The following SMAD1 variants were observed in gnomAD, a reference collection of about 807,000 sequenced individuals.
The protein encoded by SMAD1 is SMAD family member 1.
A neutral mutation model predicts 41.6 loss-of-function variants in SMAD1; 6 were observed. That is an observed-to-expected ratio of 0.14 (90% CI 0.08 to 0.28). The LOEUF is 0.28. Ranked by LOEUF, SMAD1 falls within the 10% of genes least tolerant of loss-of-function variation. The pLI is 1.00. For synonymous variants in SMAD1, 206 were observed against 203.2 expected (o/e 1.01, Z -0.12); for missense variants, 379 against 582.6 (o/e 0.65, Z 3.60).
intron 1 of SMAD1, among the ~76,000 whole-genome samples, chr4:145,500,574 A>C (rs1029323465): frequency 2.0e-5 from 3 of 152,118 alleles, no homozygotes; most frequent in Non-Finnish European, 4.4e-5. Context: ...CCTGACCACC[A>C]GAATGTAGGC....
At chr4:145,519,329 C>T (rs968725470) in intron 2 of SMAD1, among the ~76,000 whole-genome samples, 1 of 152,064 alleles carries the variant, frequency 6.6e-6, no homozygotes, top group Non-Finnish European at 1.5e-5. Flanking sequence ...GTCCTGACCT[C>T]AGTTGATCCA....
At chr4:145,557,193 G>A (rs1732889153) in intron 6 of SMAD1, among the ~76,000 whole-genome samples, 1 of 152,144 alleles carries the variant, frequency 6.6e-6, no homozygotes, top group South Asian at 2.1e-4. Context: ...TTGTCTTAAT[G>A]CACTAATTCT....
intron 2 of SMAD1, among the ~76,000 whole-genome samples, chr4:145,528,060 TACACACACACACAC>T (rs35710925): frequency 9.1e-5 from 13 of 142,158 alleles, no homozygotes; most frequent in African/African-American, 2.6e-4. Context: ...TTTTTGTTTG[TACACACACACACAC>T]ACACACACAC....
chr4:145,519,901 C>T (rs778352440), intron 2 of SMAD1, among the ~76,000 whole-genome samples: 1 of 152,068 alleles, frequency 6.6e-6, no homozygotes, highest in Non-Finnish European at 1.5e-5. Context: ...GTGCAGTATT[C>T]GTCTTTCTGT....
intron 2 of SMAD1, among the ~76,000 whole-genome samples, chr4:145,537,543 A>AC (rs547408271): frequency 1.6e-3 from 243 of 152,314 alleles, no homozygotes; most frequent in African/African-American, 5.4e-3. Context: ...ACTGCCTCAA[A>AC]CTGGAAATAA....
intron 2 of SMAD1, among the ~76,000 whole-genome samples, chr4:145,515,670 T>A (rs1187024986): frequency 6.6e-6 from 1 of 152,222 alleles, no homozygotes; most frequent in African/African-American, 2.4e-5. Context: ...GGATATATTT[T>A]AAAATTTATA....
chr4:145,494,335 C>T (rs1020911783), intron 1 of SMAD1, among the ~76,000 whole-genome samples: 9 of 152,188 alleles, frequency 5.9e-5, no homozygotes, highest in Admixed American at 1.3e-4. Flanking sequence ...ATCTCTTAGA[C>T]AGCTTGATAA....
chr4:145,509,973 T>TG (rs1263724000), intron 1 of SMAD1, among the ~76,000 whole-genome samples: 1 of 152,172 alleles, frequency 6.6e-6, no homozygotes, highest in Non-Finnish European at 1.5e-5. Context: ...CCAGGTACTA[T>TG]GCCAAGTTCC....
intron 2 of SMAD1, among the ~76,000 whole-genome samples, chr4:145,517,414 A>G (rs1227276256): frequency 2.0e-5 from 3 of 152,100 alleles, no homozygotes; most frequent in East Asian, 3.9e-4. Context: ...TACTTCACAC[A>G]TATCTCCCTA....
intron 1 of SMAD1, among the ~76,000 whole-genome samples, chr4:145,490,718 T>C (rs1216684873): frequency 6.6e-6 from 1 of 152,156 alleles, no homozygotes; most frequent in East Asian, 1.9e-4. Context: ...TAGTGAAATA[T>C]CAAGTTTGGG....
At chr4:145,488,793 A>G (rs1728625540) in intron 1 of SMAD1, among the ~76,000 whole-genome samples, 1 of 152,190 alleles carries the variant, frequency 6.6e-6, no homozygotes, top group South Asian at 2.1e-4. Context: ...TTCCCTGAAT[A>G]TTTATTAGTT....
rs868388738 is a variant in SMAD1, at chr4:145,553,093, T to G, written c.998-691T>G. Among the ~76,000 whole-genome samples, 508 of 151,206 alleles carry G rather than the reference T, an allele frequency of 3.4e-3. 6 individuals carry two copies. Among genetic ancestry groups the G allele is most frequent in the African/African-American group, 0.011 (458 of 41,120 alleles). The stretch of plus-strand genomic sequence containing the variant: ...TAATTTTTTGTATTTTTTTTTTTTT[T>G]TGTGGAGATGGGGTTTCACCGTGCT... On this transcript the variant is annotated intron_variant, in intron 5 of 6. Transcript: ENST00000302085.
intron 1 of SMAD1, among the ~76,000 whole-genome samples, chr4:145,489,341 G>A (rs1452002922): frequency 6.6e-6 from 1 of 152,166 alleles, no homozygotes; most frequent in Non-Finnish European, 1.5e-5. Flanking sequence ...CACTGAAAGT[G>A]TTTGAACATG....
Position 145,542,676 on chromosome 4 carries a change from G to T in SMAD1, c.753G>T (p.Leu251=), listed in dbSNP as rs1732015668. ...PMDTNMMAPP[L]PSEINRGDVQ... ...ACACAAACATGATGGCGCCTCCCCTGCCCTCAGAAATCAACAGAGGAGGTA... is the reference window on the plus strand; with the variant it reads ...ACACAAACATGATGGCGCCTCCCCTTCCCTCAGAAATCAACAGAGGAGGTA... The change falls in exon 4 of 7, where the codon CTG becomes CTT. Residue 251 remains leucine (L), a synonymous_variant. Transcript: ENST00000302085. 5.0e-6 allele frequency: 8 copies of T among 1,611,766 alleles called. No homozygotes were observed. In the East Asian group the frequency reaches 1.6e-4, roughly 32 times the overall value.
At chr4:145,485,757 T>TAG (rs1728451437) in intron 1 of SMAD1, among the ~76,000 whole-genome samples, 1 of 152,260 alleles carries the variant, frequency 6.6e-6, no homozygotes, top group Non-Finnish European at 1.5e-5. Flanking sequence ...TAATTTGGTT[T>TAG]AGAGCCTTAG....
intron 4 of SMAD1, among the ~76,000 whole-genome samples, chr4:145,543,341 C>G (rs1732058640): frequency 6.6e-6 from 1 of 152,200 alleles, no homozygotes; most frequent in African/African-American, 2.4e-5. Flanking sequence ...AGAGTTTTCA[C>G]TGGTGATTTC....
intron 1 of SMAD1, among the ~76,000 whole-genome samples, chr4:145,502,124 T>G (rs763888427): frequency 2.6e-5 from 4 of 152,202 alleles, no homozygotes; most frequent in Non-Finnish European, 5.9e-5. Context: ...GGATAGTCAA[T>G]AAAATTAAAT....
At chr4:145,535,814 G>A (rs1256247321) in intron 2 of SMAD1, among the ~76,000 whole-genome samples, 2 of 151,568 alleles carry the variant, frequency 1.3e-5, no homozygotes, top group African/African-American at 4.8e-5. Flanking sequence ...ATGAGAGAGG[G>A]GAACTCCTAA....
At chr4:145,488,395 T>C (rs1256017735) in intron 1 of SMAD1, among the ~76,000 whole-genome samples, 1 of 152,162 alleles carries the variant, frequency 6.6e-6, no homozygotes, top group African/African-American at 2.4e-5. Context: ...GCTGCTGTAC[T>C]GTGGATATTT....
Sources: allele counts gnomAD v4.1 joint callset (sites outside exome capture counted in the v4.1 genomes callset), GRCh38; gene constraint gnomAD v4.1.1; transcripts MANE v1.5; gene names NCBI Gene and HGNC (gene_info 2026-07-23, HGNC 2026-07-21).